UNC5D: variants seen among roughly 807,000 people sequenced by gnomAD.
UNC5D encodes netrin receptor UNC5D.
In UNC5D, 39 loss-of-function variants were observed where a neutral mutation model predicts 105.4. That is an observed-to-expected ratio of 0.37 (90% CI 0.29 to 0.48). UNC5D has a LOEUF of 0.48. Among genes scored for constraint, UNC5D ranks in the 20% least tolerant of loss-of-function variants. UNC5D has a pLI of 0.98. For synonymous variants in UNC5D, 452 were observed against 450.4 expected, an observed-to-expected ratio of 1.00 and a Z score of -0.04; for missense variants, 991 against 1,202.4, an observed-to-expected ratio of 0.82 and a Z score of 2.60.
At chr8:35,422,129 C>T (rs1805950982) in intron 1 of UNC5D, among the ~76,000 whole-genome samples, 2 of 152,136 alleles carry the variant, frequency 1.3e-5, no homozygotes, top group African/African-American at 4.8e-5. Flanking sequence ...CTAGAGAGCC[C>T]CATCTCACAC....
intron 16 of UNC5D, among the ~76,000 whole-genome samples, chr8:35,787,646 CT>C (rs1279307916): frequency 6.6e-6 from 1 of 152,164 alleles, no homozygotes; most frequent in African/African-American, 2.4e-5. Context: ...GAGACAGGGT[CT>C]CACTCTGCTG....
At chr8:35,672,525 T>C (rs1467414493) in intron 4 of UNC5D, among the ~76,000 whole-genome samples, 1 of 152,144 alleles carries the variant, frequency 6.6e-6, no homozygotes, top group Non-Finnish European at 1.5e-5. Flanking sequence ...AGCAGATTGT[T>C]TCCCTCTTTG....
chr8:35,292,714 T>C (rs933015262), intron 1 of UNC5D, among the ~76,000 whole-genome samples: 1 of 140,774 alleles, frequency 7.1e-6, no homozygotes, highest in Non-Finnish European at 1.5e-5. Flanking sequence ...TCCTTTTTTT[T>C]CCTTTTTTTT....
chr8:35,778,947 G>A (rs576208127), intron 16 of UNC5D, among the ~76,000 whole-genome samples: 2 of 152,304 alleles, frequency 1.3e-5, no homozygotes, highest in Non-Finnish European at 1.5e-5. Flanking sequence ...TGTGCTGTAC[G>A]GCTGGCAACA....
chr8:35,725,524 CAG>C (rs1301950287), intron 9 of UNC5D, among the ~76,000 whole-genome samples: 1 of 152,000 alleles, frequency 6.6e-6, no homozygotes, highest in African/African-American at 2.4e-5. Flanking sequence ...TTTTCCCTCG[CAG>C]AGTGACATAT....
At chr8:35,391,059 C>G (rs571218704) in intron 1 of UNC5D, among the ~76,000 whole-genome samples, 11 of 152,120 alleles carry the variant, frequency 7.2e-5, no homozygotes, top group Non-Finnish European at 1.3e-4. Context: ...CCAGGAAGTA[C>G]AGGAGGGAGT....
chr8:35,726,718 C>T (rs1828901216), intron 10 of UNC5D, 189 bp downstream of exon 10: 5 of 836,808 alleles, frequency 6.0e-6, no homozygotes, highest in Non-Finnish European at 7.3e-6. Flanking sequence ...ATTTTGCAGT[C>T]TTCATCTCAG....
chr8:35,413,525 C>A (rs1351410531), intron 1 of UNC5D, among the ~76,000 whole-genome samples: 1 of 150,954 alleles, frequency 6.6e-6, no homozygotes, highest in Non-Finnish European at 1.5e-5. Context: ...GTGCTGCTGA[C>A]AGGCATTTAT....
intron 4 of UNC5D, among the ~76,000 whole-genome samples, chr8:35,619,458 C>A (rs1484650262): frequency 6.6e-6 from 1 of 152,154 alleles, no homozygotes; most frequent in Non-Finnish European, 1.5e-5. Flanking sequence ...AATAGTCAGG[C>A]ATTGGATCAC....
At chr8:35,643,173 T>C (rs1313261842) in intron 4 of UNC5D, among the ~76,000 whole-genome samples, 1 of 152,128 alleles carries the variant, frequency 6.6e-6, no homozygotes, top group Non-Finnish European at 1.5e-5. Context: ...TTTAGTGGGA[T>C]CCGTGGCCTC....
At chr8:35,384,079 G>T (rs1208583410) in intron 1 of UNC5D, among the ~76,000 whole-genome samples, 1 of 151,960 alleles carries the variant, frequency 6.6e-6, no homozygotes, top group Non-Finnish European at 1.5e-5. Context: ...AGCCAGGCAT[G>T]GTGGCGGGCA....
At chr8:35,487,302 T>A (rs1375983080) in intron 1 of UNC5D, among the ~76,000 whole-genome samples, 1 of 152,090 alleles carries the variant, frequency 6.6e-6, no homozygotes, top group Non-Finnish European at 1.5e-5. Flanking sequence ...TGGTTTTGGG[T>A]GAGATTAACA....
At chr8:35,543,428 T>C (rs1815410838) in intron 1 of UNC5D, among the ~76,000 whole-genome samples, 1 of 152,198 alleles carries the variant, frequency 6.6e-6, no homozygotes, top group Admixed American at 6.5e-5. Context: ...GTGTGCCCAA[T>C]TGCATTACAA....
intron 13 of UNC5D, among the ~76,000 whole-genome samples, chr8:35,753,172 AT>A (rs1321054568): frequency 2.0e-5 from 3 of 152,070 alleles, no homozygotes; most frequent in Non-Finnish European, 2.9e-5. Context: ...ACCATTACCC[AT>A]TTCTGGTTGG....
chr8:35,637,721 G>A (rs1563618141), intron 4 of UNC5D, among the ~76,000 whole-genome samples: 1 of 152,152 alleles, frequency 6.6e-6, no homozygotes, highest in Non-Finnish European at 1.5e-5. Flanking sequence ...GTACTAATGG[G>A]AATTTTCCAC....
At chr8:35,763,826 T>C (rs550395266) in intron 14 of UNC5D, among the ~76,000 whole-genome samples, 1 of 152,244 alleles carries the variant, frequency 6.6e-6, no homozygotes, top group Admixed American at 6.5e-5. Context: ...TGGAAGCCCT[T>C]GAAGGCCAGG....
At chr8:35,253,473 C>CTTTTTTTTTCT (rs1803850425) in intron 1 of UNC5D, among the ~76,000 whole-genome samples, 1 of 99,824 alleles carries the variant, frequency 1.0e-5, no homozygotes, top group Non-Finnish European at 1.8e-5. Context: ...ATTTTATTTC[C>CTTTTTTTTTCT]TTTTTTTTTT....
intron 9 of UNC5D, among the ~76,000 whole-genome samples, chr8:35,723,294 G>C (rs553549002): frequency 6.6e-6 from 1 of 152,284 alleles, no homozygotes; most frequent in South Asian, 2.1e-4. Context: ...TGGCCAGAGA[G>C]ATGAGTACCT....
intron 1 of UNC5D, among the ~76,000 whole-genome samples, chr8:35,273,151 CA>C (rs1215240147): frequency 2.0e-5 from 3 of 152,176 alleles, no homozygotes; most frequent in African/African-American, 7.2e-5. Flanking sequence ...TAACTGACAG[CA>C]TTCATTCATT....
Sources: gnomAD v4.1 joint callset for allele counts (sites outside exome capture counted in the v4.1 genomes callset) on GRCh38, gnomAD v4.1.1 for gene constraint, MANE v1.5 for transcripts, NCBI Gene and HGNC (gene_info 2026-07-23, HGNC 2026-07-21) for gene names.